The following GSE1 variants were observed in gnomAD, a reference collection of about 807,000 sequenced individuals.
GSE1 encodes the protein Gse1 coiled-coil protein, also known as genetic suppressor element 1.
A neutral mutation model predicts 112.6 loss-of-function variants in GSE1; 32 were observed. The ratio of observed to expected loss-of-function variants is 0.28; its 90% CI spans 0.21 to 0.38. The LOEUF (loss-of-function observed/expected upper bound fraction) is 0.38. GSE1 is among the 10% of genes least tolerant of loss of function. The pLI is 1.00. For synonymous variants in GSE1, 1,115 were observed against 735.6 expected, an observed-to-expected ratio of 1.52 and a Z score of -8.35; for missense variants, 2,348 against 1,699.2, an observed-to-expected ratio of 1.38 and a Z score of -6.71.
chr16:85,638,414 C>T (rs550961182), intron 2 of GSE1, among the ~76,000 whole-genome samples: 105 of 152,340 alleles, frequency 6.9e-4, no homozygotes, highest in African/African-American at 2.3e-3. Flanking sequence ...TACTCACTGC[C>T]GAGGCTGGGG....
At chr16:85,631,626 G>A (rs2049546670) in intron 1 of GSE1, among the ~76,000 whole-genome samples, 1 of 152,238 alleles carries the variant, frequency 6.6e-6, no homozygotes, top group Admixed American at 6.5e-5. Context: ...ATCTGTCCTC[G>A]CTGGCTGGCA....
chr16:85,197,614 CCT>C (rs2143516905), intron 1 of GSE1, among the ~76,000 whole-genome samples: 1 of 152,300 alleles, frequency 6.6e-6, no homozygotes, highest in South Asian at 2.1e-4. Flanking sequence ...AGAGCGCTGG[CCT>C]CTCTGCAGAC....
intron 2 of GSE1, among the ~76,000 whole-genome samples, chr16:85,470,424 G>A (rs942954166): frequency 6.6e-6 from 1 of 152,178 alleles, no homozygotes; most frequent in African/African-American, 2.4e-5. Flanking sequence ...ACGCAGAGCT[G>A]GGATCCGTGT....
intron 1 of GSE1, among the ~76,000 whole-genome samples, chr16:85,614,895 A>C (rs372632442): frequency 2.6e-5 from 4 of 151,884 alleles, no homozygotes; most frequent in Admixed American, 2.0e-4. Context: ...GCCCAGCCGC[A>C]CTCCGGGTGG....
rs2050732695 is a variant in GSE1 at position 85,483,103 on chromosome 16, AAGTTAC to A, written c.2464+125461_2464+125466del. ...GTACAAATTATTCAAAGTATTGTGT[AAGTTAC>A]CTCTGGCTATGTGGATCAGGTGTAT... On this transcript the variant is annotated intron_variant, in intron 2 of 2. Transcript: ENST00000637419. 2.6e-5 allele frequency among the ~76,000 whole-genome samples: 4 copies of A among 152,388 alleles called. No individual in the cohort carries two copies. The South Asian group carries it at 8.3e-4, about 32-fold the overall frequency.
At chr16:85,494,096 G>A (rs549898575) in intron 2 of GSE1, among the ~76,000 whole-genome samples, 27 of 152,334 alleles carry the variant, frequency 1.8e-4, no homozygotes, top group Admixed American at 2.6e-4. Flanking sequence ...CAGTGTATTC[G>A]TTCCCTAAAG....
chr16:85,340,451 C>T (rs1321046140), intron 1 of GSE1, among the ~76,000 whole-genome samples: 2 of 152,146 alleles, frequency 1.3e-5, no homozygotes, highest in African/African-American at 4.8e-5. Context: ...ACCAGCCTGG[C>T]CAACATGGTG....
At chr16:85,336,565 A>G (rs1053207038) in intron 1 of GSE1, among the ~76,000 whole-genome samples, 5 of 151,040 alleles carry the variant, frequency 3.3e-5, no homozygotes, top group Admixed American at 6.6e-5. Context: ...ACGTGTGAGC[A>G]TGTTCATGTG....
At chr16:85,655,399 G>T (rs1407928989) in intron 5 of GSE1, among the ~76,000 whole-genome samples, 1 of 152,222 alleles carries the variant, frequency 6.6e-6, no homozygotes, top group Non-Finnish European at 1.5e-5. Flanking sequence ...GGGGCCTGTA[G>T]TCATGTCATG....
At chr16:85,337,680 C>T (rs1019662905) in intron 1 of GSE1, among the ~76,000 whole-genome samples, 11 of 152,050 alleles carry the variant, frequency 7.2e-5, no homozygotes, top group African/African-American at 2.7e-4. Context: ...CTGGGCTGCA[C>T]ATCTCCTTGC....
intron 1 of GSE1, among the ~76,000 whole-genome samples, chr16:85,208,974 G>T (rs1317739304): frequency 6.6e-6 from 1 of 151,554 alleles, no homozygotes; most frequent in African/African-American, 2.4e-5. Flanking sequence ...CTGTGTTGGG[G>T]TTTGCCACTT....
At position 85,195,602 on chromosome 16, in the gene GSE1, T is replaced by TC. The variant is rs995735421; in HGVS notation, c.2283+23801dup. 4.1e-4 allele frequency among the ~76,000 whole-genome samples: 62 copies of TC among 152,256 alleles called. 1 individual carries two copies. The highest frequency in any genetic ancestry group is 3.4e-3 in the Middle Eastern group (1 of 294). On this transcript the variant is annotated intron_variant, in intron 1 of 2. Coordinates refer to the GSE1 transcript ENST00000637419. ...CCCTATATTTCTGACACCATTTGGG[T>TC]CCCCCCTGCTAATCCCCTATCGAGG...
At chr16:85,207,945 A>C (rs1245311990) in intron 1 of GSE1, 1 of 151,336 alleles carries the variant, frequency 6.6e-6, no homozygotes, top group Non-Finnish European at 1.5e-5. Context: ...CCAGGGGCTC[A>C]CTCAAGGGCC....
intron 1 of GSE1, among the ~76,000 whole-genome samples, chr16:85,316,239 T>G (rs1421109790): frequency 1.3e-5 from 2 of 152,272 alleles, no homozygotes; most frequent in African/African-American, 4.8e-5. Context: ...AAATTTATTT[T>G]AATATATTCT....
At chr16:85,514,436 C>T (rs779212276) in intron 2 of GSE1, among the ~76,000 whole-genome samples, 1 of 62,270 alleles carries the variant, frequency 1.6e-5, no homozygotes, top group Non-Finnish European at 3.0e-5. Context: ...TCCCCCCCCC[C>T]ACCCCAGGGC....
chr16:85,613,918 C>G (rs555215357), intron 1 of GSE1, among the ~76,000 whole-genome samples: 2 of 151,186 alleles, frequency 1.3e-5, no homozygotes, highest in East Asian at 3.9e-4. Context: ...TCTTGCTCCC[C>G]TCCCCCTCCC....
intron 1 of GSE1, among the ~76,000 whole-genome samples, chr16:85,248,097 C>T (rs757633200): frequency 1.1e-4 from 16 of 152,122 alleles, no homozygotes; most frequent in Non-Finnish European, 1.9e-4. Context: ...GGGTGGGGTG[C>T]GTAGAGCTGC....
chr16:85,390,786 A>G (rs1372651116), intron 2 of GSE1, among the ~76,000 whole-genome samples: 2 of 149,384 alleles, frequency 1.3e-5, no homozygotes. Flanking sequence ...CTGCTGAAAT[A>G]TTTACCTCCC....
intron 1 of GSE1, among the ~76,000 whole-genome samples, chr16:85,351,607 G>C (rs1347350791): frequency 6.6e-6 from 1 of 152,190 alleles, no homozygotes; most frequent in Non-Finnish European, 1.5e-5. Flanking sequence ...TGGTTACACA[G>C]CTTGTACATA....
Sources: gnomAD v4.1 joint callset for allele counts (sites outside exome capture counted in the v4.1 genomes callset) on GRCh38, gnomAD v4.1.1 for gene constraint, MANE v1.5 for transcripts, NCBI Gene and HGNC (gene_info 2026-07-23, HGNC 2026-07-21) for gene names.